The following ZPBP variants were observed in gnomAD, a reference collection of about 807,000 sequenced individuals.
ZPBP encodes zona pellucida binding protein.
In ZPBP, 26 loss-of-function variants were observed where a neutral mutation model predicts 44.8. The ratio of observed to expected loss-of-function variants is 0.58; its 90% confidence interval spans 0.43 to 0.81. The LOEUF (loss-of-function observed/expected upper bound fraction) is 0.81, where lower values mean the gene tolerates loss of function less well. Ranked by LOEUF, ZPBP falls within the 30% of genes least tolerant of loss-of-function variation. The pLI is 0.00. For missense variants in ZPBP, 409 were observed against 434.0 expected (o/e 0.94, Z 0.51); for synonymous variants, 174 against 153.2 (o/e 1.14, Z -1.00).
chr7:50,025,527 C>A (rs1319657830), intron 5 of ZPBP, among the ~76,000 whole-genome samples: 1 of 151,762 alleles, frequency 6.6e-6, no homozygotes, highest in African/African-American at 2.4e-5. Context: ...AACGGCAATT[C>A]AAGGGAGAAA....
At chr7:49,868,285 G>A (rs1191549514) in intron 2 of ZPBP, among the ~76,000 whole-genome samples, 1 of 152,166 alleles carries the variant, frequency 6.6e-6, no homozygotes, top group African/African-American at 2.4e-5. Context: ...AATATACGCT[G>A]TTTCTTTTAA....
At chr7:50,068,650 C>T (rs1169449341) in intron 3 of ZPBP, among the ~76,000 whole-genome samples, 1 of 152,130 alleles carries the variant, frequency 6.6e-6, no homozygotes. Context: ...CTTTTTAAAG[C>T]CTCCGATCAG....
intron 2 of ZPBP, among the ~76,000 whole-genome samples, chr7:49,852,993 G>C (rs1790255232): frequency 6.6e-6 from 1 of 152,206 alleles, no homozygotes; most frequent in Non-Finnish European, 1.5e-5. Flanking sequence ...CTCCAGTCCA[G>C]AGCCCTTTCC....
At chr7:49,919,709 G>A (rs1793923017) in intron 1 of ZPBP, 1 of 152,298 alleles carries the variant, frequency 6.6e-6, no homozygotes, top group Non-Finnish European at 1.5e-5. Context: ...AACAATAACA[G>A]CAATGGTGAA....
intron 2 of ZPBP, among the ~76,000 whole-genome samples, chr7:50,082,446 G>A (rs1181348994): frequency 1.3e-5 from 2 of 151,746 alleles, no homozygotes; most frequent in Non-Finnish European, 2.9e-5. Flanking sequence ...TTTAAATCCT[G>A]ATAAGTAAGC....
chr7:50,059,464 T>C (rs1801138024), intron 3 of ZPBP, among the ~76,000 whole-genome samples: 1 of 152,216 alleles, frequency 6.6e-6, no homozygotes, highest in Admixed American at 6.5e-5. Context: ...TTAGAATACA[T>C]GTCTATTGTA....
chr7:50,090,214 C>A (rs940433444), intron 1 of ZPBP, among the ~76,000 whole-genome samples: 8 of 151,860 alleles, frequency 5.3e-5, no homozygotes, highest in Admixed American at 2.6e-4. Context: ...AACACTAAAC[C>A]CAATTTGTAG....
intron 2 of ZPBP, among the ~76,000 whole-genome samples, chr7:49,889,623 G>C (rs1224500342): frequency 6.6e-6 from 1 of 152,180 alleles, no homozygotes; most frequent in African/African-American, 2.4e-5. Flanking sequence ...GACACACAAT[G>C]GCCATCCATG....
At chr7:49,990,912 C>T (rs1583995796) in intron 6 of ZPBP, among the ~76,000 whole-genome samples, 2 of 152,202 alleles carry the variant, frequency 1.3e-5, no homozygotes, top group South Asian at 4.2e-4. Flanking sequence ...AAGGCAGCAA[C>T]TAGCATTATG....
At chr7:49,921,946 A>G (rs1794037738) in intron 1 of ZPBP, 1 of 152,160 alleles carries the variant, frequency 6.6e-6, no homozygotes, top group African/African-American at 2.4e-5. Context: ...TATTTATTAA[A>G]CTGAGTTTTG....
chr7:50,084,463 T>C (rs1453715859), intron 2 of ZPBP, among the ~76,000 whole-genome samples: 1 of 151,522 alleles, frequency 6.6e-6, no homozygotes, highest in Non-Finnish European at 1.5e-5. Flanking sequence ...ATACATGAAT[T>C]AATGAAAATG....
chr7:50,020,963 T>C (rs1799066370), intron 5 of ZPBP, among the ~76,000 whole-genome samples: 1 of 152,062 alleles, frequency 6.6e-6, no homozygotes, highest in African/African-American at 2.4e-5. Flanking sequence ...AAGACAGACC[T>C]CAGAGGACAT....
intron 1 of ZPBP, among the ~76,000 whole-genome samples, chr7:49,905,756 T>G (rs990606660): frequency 7.9e-5 from 12 of 152,072 alleles, no homozygotes; most frequent in African/African-American, 2.9e-4. Context: ...AGTCACGAGA[T>G]AGGATGTTGG....
chr7:50,067,603 T>C (rs1801583764), intron 3 of ZPBP, among the ~76,000 whole-genome samples: 1 of 152,164 alleles, frequency 6.6e-6, no homozygotes, highest in Non-Finnish European at 1.5e-5. Flanking sequence ...TCTGGGTCCT[T>C]GAGGAGCTGA....
At chr7:50,040,987 A>G (rs1800065467) in intron 4 of ZPBP, among the ~76,000 whole-genome samples, 1 of 152,146 alleles carries the variant, frequency 6.6e-6, no homozygotes, top group South Asian at 2.1e-4. Context: ...GGCATCTGCC[A>G]TTACTGAGGC....
intron 7 of ZPBP, among the ~76,000 whole-genome samples, chr7:49,980,468 TTA>T (rs1796798431): frequency 6.6e-6 from 1 of 151,314 alleles, no homozygotes; most frequent in Non-Finnish European, 1.5e-5. Flanking sequence ...CCTGGATAGT[TTA>T]TAAAGGAAAA....
intron 7 of ZPBP, among the ~76,000 whole-genome samples, chr7:49,969,835 AGAGAG>A (rs1562808854): frequency 1.1e-5 from 1 of 88,386 alleles, no homozygotes. Flanking sequence ...AGAGAGAGAG[AGAGAG>A]AGAGAAAGAG....
At chr7:49,904,805 G>A (rs1017634552) in intron 1 of ZPBP, among the ~76,000 whole-genome samples, 3 of 147,712 alleles carry the variant, frequency 2.0e-5, no homozygotes, top group Non-Finnish European at 4.4e-5. Context: ...GCGCGATCTC[G>A]GCTCACTGCA....
At chr7:50,012,191 A>G (rs1798618712) in intron 6 of ZPBP, among the ~76,000 whole-genome samples, 1 of 152,116 alleles carries the variant, frequency 6.6e-6, no homozygotes, top group African/African-American at 2.4e-5. Flanking sequence ...AAATTTGACA[A>G]TTTTGATCCA....
Sources: allele counts gnomAD v4.1 joint callset (sites outside exome capture counted in the v4.1 genomes callset), GRCh38; gene constraint gnomAD v4.1.1; transcripts MANE v1.5; gene names NCBI Gene and HGNC (gene_info 2026-07-23, HGNC 2026-07-21).